Variants in RBFOX1 observed in about 807,000 individuals in gnomAD.
The protein encoded by RBFOX1 is RNA binding fox-1 homolog 1, also known as RNA binding protein fox-1 homolog 1.
In RBFOX1, 8 loss-of-function variants were observed where a neutral mutation model predicts 57.7. The observed-to-expected ratio is 0.14, with a 90% confidence interval of 0.08 to 0.25. The LOEUF is 0.25. Among genes scored for constraint, RBFOX1 ranks in the 10% least tolerant of loss-of-function variants. The pLI is 1.00. For missense variants in RBFOX1, 611 were observed against 548.5 expected, an observed-to-expected ratio of 1.11 and a Z score of -1.14; for synonymous variants, 326 against 222.4, an observed-to-expected ratio of 1.47 and a Z score of -4.15.
intron 4 of RBFOX1, among the ~76,000 whole-genome samples, chr16:7,152,039 G>T (rs2076208383): frequency 6.6e-6 from 1 of 152,160 alleles, no homozygotes; most frequent in Admixed American, 6.5e-5. Flanking sequence ...GAGGTTTATG[G>T]ACCCCTGCTC....
chr16:5,550,272 C>T (rs1182673510), intron 2 of RBFOX1, among the ~76,000 whole-genome samples: 2 of 152,144 alleles, frequency 1.3e-5, no homozygotes, highest in African/African-American at 4.8e-5. Context: ...AATCGTGGCA[C>T]CTGCCTTTGT....
At chr16:5,552,002 A>G (rs193000285) in intron 2 of RBFOX1, among the ~76,000 whole-genome samples, 1 of 152,176 alleles carries the variant, frequency 6.6e-6, no homozygotes, top group Non-Finnish European at 1.5e-5. Context: ...CCTTTTTATT[A>G]TTAGCTGTGG....
chr16:6,522,154 A>AGTGT (rs35360830), intron 2 of RBFOX1, among the ~76,000 whole-genome samples: 15,586 of 142,708 alleles, frequency 0.11, 891 homozygotes, highest in African/African-American at 0.16. Context: ...GGGGACCCAC[A>AGTGT]GTGTGTGTGT....
intron 6 of RBFOX1, among the ~76,000 whole-genome samples, chr16:7,584,482 AG>A (rs1293526628): frequency 6.6e-6 from 1 of 152,186 alleles, no homozygotes; most frequent in Admixed American, 6.5e-5. Flanking sequence ...TAGTAGAGAC[AG>A]GGTTTCACCA....
At chr16:7,319,887 G>A (rs546951448) in intron 4 of RBFOX1, among the ~76,000 whole-genome samples, 1 of 152,218 alleles carries the variant, frequency 6.6e-6, no homozygotes, top group African/African-American at 2.4e-5. Flanking sequence ...CAATACCATG[G>A]ACTTGTTAAA....
chr16:5,476,362 T>G (rs1009167541), intron 2 of RBFOX1, among the ~76,000 whole-genome samples: 1 of 152,230 alleles, frequency 6.6e-6, no homozygotes, highest in African/African-American at 2.4e-5. Context: ...TGCTCCAAAC[T>G]GGAGAGGCTG....
At chr16:7,693,139 C>A (rs949464085) in intron 14 of RBFOX1, among the ~76,000 whole-genome samples, 2 of 151,976 alleles carry the variant, frequency 1.3e-5, no homozygotes, top group African/African-American at 4.8e-5. Context: ...TTAAGAGGTC[C>A]CCGCATGCTT....
chr16:6,635,336 T>C (rs1203355777), intron 2 of RBFOX1, among the ~76,000 whole-genome samples: 2 of 152,076 alleles, frequency 1.3e-5, no homozygotes, highest in Admixed American at 1.3e-4. Flanking sequence ...TCAGATATTG[T>C]ATAAAATGCC....
At chr16:7,709,483 C>T in intron 15 of RBFOX1, 4 of 1,462,082 alleles carry the variant, frequency 2.7e-6, no homozygotes, top group Middle Eastern at 1.8e-4. Flanking sequence ...CCTTGCTGCT[C>T]ATTCACATAG....
intron 4 of RBFOX1, among the ~76,000 whole-genome samples, chr16:7,190,685 A>G (rs564797459): frequency 6.6e-6 from 1 of 151,872 alleles, no homozygotes; most frequent in South Asian, 2.1e-4. Flanking sequence ...CCCAGAAATC[A>G]GTGCCATTCC....
At chr16:5,552,135 C>T (rs943205088) in intron 2 of RBFOX1, among the ~76,000 whole-genome samples, 2 of 152,126 alleles carry the variant, frequency 1.3e-5, no homozygotes, top group African/African-American at 2.4e-5. Context: ...CAGTCTGGTA[C>T]GTGGCCAGAA....
intron 1 of RBFOX1, among the ~76,000 whole-genome samples, chr16:6,126,821 A>C (rs1205696949): frequency 6.6e-6 from 1 of 152,182 alleles, no homozygotes; most frequent in Non-Finnish European, 1.5e-5. Context: ...GGAGGAAGGA[A>C]AAGACATTAA....
In RBFOX1 at chr16:6,547,721, C is replaced by G. The variant is rs535491093; in HGVS notation, c.-63-106882C>G. Among the ~76,000 whole-genome samples the G allele has an allele frequency of 7.9e-5, 12 of 151,682 alleles. No homozygotes were observed. The South Asian group carries it at 2.3e-3, about 29-fold the overall frequency. ...TTGTAAAGCAGAGATCAGAGAAAAT[C>G]TACTCTGGGATACATTTCGTTTAGA... On this transcript the variant is annotated intron_variant, in intron 2 of 15. Coordinates refer to ENST00000550418, the MANE Select transcript of RBFOX1 (RefSeq NM_018723.4).
At chr16:7,362,450 GTATA>G (rs759716995) in intron 4 of RBFOX1, among the ~76,000 whole-genome samples, 1 of 150,934 alleles carries the variant, frequency 6.6e-6, no homozygotes, top group African/African-American at 2.4e-5. Flanking sequence ...CGTGTACGTA[GTATA>G]TATATGTTTT....
chr16:7,382,329 A>G (rs1414708724), intron 4 of RBFOX1, among the ~76,000 whole-genome samples: 1 of 152,176 alleles, frequency 6.6e-6, no homozygotes, highest in Non-Finnish European at 1.5e-5. Flanking sequence ...ACAGCCCTCA[A>G]GAGTTTATTT....
intron 3 of RBFOX1, among the ~76,000 whole-genome samples, chr16:5,692,751 G>A (rs1456286069): frequency 1.3e-5 from 2 of 151,986 alleles, no homozygotes; most frequent in Non-Finnish European, 2.9e-5. Context: ...AAACCTGCCG[G>A]GATCATCAGG....
At chr16:7,016,408 C>T (rs2153664099) in intron 3 of RBFOX1, among the ~76,000 whole-genome samples, 1 of 152,256 alleles carries the variant, frequency 6.6e-6, no homozygotes, top group African/African-American at 2.4e-5. Flanking sequence ...AGGCACTGAA[C>T]TTAAATTCTG....
chr16:6,650,525 A>T (rs922557610), intron 2 of RBFOX1, among the ~76,000 whole-genome samples: 2 of 152,206 alleles, frequency 1.3e-5, no homozygotes, highest in Non-Finnish European at 2.9e-5. Flanking sequence ...GTAACTAAGG[A>T]ATACCCACTT....
chr16:7,492,124 A>G (rs1000475051), intron 4 of RBFOX1, among the ~76,000 whole-genome samples: 20 of 152,248 alleles, frequency 1.3e-4, no homozygotes, highest in African/African-American at 4.3e-4. Context: ...AGACTCTGCA[A>G]TAAACAGACT....
Sources: allele counts gnomAD v4.1 joint callset (sites outside exome capture counted in the v4.1 genomes callset), GRCh38; gene constraint gnomAD v4.1.1; transcripts MANE v1.5; gene names NCBI Gene and HGNC (gene_info 2026-07-23, HGNC 2026-07-21).